Variants in GTF3C2 observed in about 807,000 individuals in gnomAD.
GTF3C2 encodes the protein general transcription factor 3C polypeptide 2.
Under a neutral mutation model 117.4 loss-of-function variants are expected in GTF3C2, and 17 were observed. The ratio of observed to expected loss-of-function variants is 0.14; its 90% CI spans 0.10 to 0.22. The LOEUF (loss-of-function observed/expected upper bound fraction) is 0.22. Ranked by LOEUF, GTF3C2 falls within the 10% of genes least tolerant of loss-of-function variation. The pLI is 1.00. For missense variants in GTF3C2, 888 were observed against 1,143.6 expected (o/e 0.78, Z 3.22); for synonymous variants, 437 against 427.0 (o/e 1.02, Z -0.29).
rs1680451491 is a variant in GTF3C2 at position 27,335,886 on chromosome 2, T to C, written c.1467+31A>G. 2.8e-6 allele frequency: 4 copies of C among 1,422,270 alleles called. 1 individual carries two copies. The South Asian group carries it at 3.4e-5, about 12-fold the overall frequency. 88.1% of individuals were successfully genotyped at this position (1,422,270 alleles called of 1,614,324 possible). On this transcript the variant is annotated intron_variant, in intron 9 of 18. Coordinates refer to ENST00000264720, the Ensembl canonical transcript of GTF3C2. Reference sequence around the variant, plus strand: ...GCCTCTTTGTCCTGGCTTTGAGTCCTAGGGCCATCCCACAGTTGACTGGGA... The same window carrying C: ...GCCTCTTTGTCCTGGCTTTGAGTCCCAGGGCCATCCCACAGTTGACTGGGA...
chr2:27,326,093 CAAGT>C (rs1234257851), exon 19 of GTF3C2: 1 of 406,312 alleles, frequency 2.5e-6, no homozygotes, highest in Admixed American at 3.2e-5. Flanking sequence ...TAAGCAGGAG[CAAGT>C]AAGATCTGAG....
intron 2 of GTF3C2, 40 bp from the exon 3 acceptor site, chr2:27,343,187 C>T: frequency 6.6e-7 from 1 of 1,510,282 alleles, no homozygotes; most frequent in Non-Finnish European, 9.0e-7. Flanking sequence ...GGGACCAGAA[C>T]TCAAACCTCT....
chr2:27,337,354 C>A lies in GTF3C2; in HGVS notation c.1029-12G>T. On this transcript the variant is annotated splice_polypyrimidine_tract_variant and intron_variant, in intron 6 of 18. Transcript: ENST00000264720. ...AGGGAGCGGCCTCACTGGGGGAAGA[C>A]AAAGGGAACAGTCTAAATTTGGAAG... is the stretch of plus-strand genomic sequence containing the variant. 1.3e-6 allele frequency: 2 copies of A among 1,573,328 alleles called. No homozygotes were observed. The highest frequency in any genetic ancestry group is 8.7e-7 in the Non-Finnish European group (1 of 1,143,174).
chr2:27,337,278 G>C (rs1680521460), exon 7 of GTF3C2: 1 of 1,612,714 alleles, frequency 6.2e-7, no homozygotes, highest in South Asian at 1.1e-5. Context: ...TCTTCAGGTA[G>C]CCCTTCACGT....
chr2:27,355,188 T>C (rs1388881015), intron 1 of GTF3C2, among the ~76,000 whole-genome samples: 4 of 152,234 alleles, frequency 2.6e-5, no homozygotes, highest in African/African-American at 9.6e-5. Context: ...CTTCTTTCTA[T>C]ATATTGGACA....
chr2:27,343,421 G>A (rs747366553), exon 2 of GTF3C2: 13 of 1,613,980 alleles, frequency 8.1e-6, no homozygotes, highest in African/African-American at 2.7e-5. Context: ...GGAAGCCTCT[G>A]CACTGGTCAT....
chr2:27,336,396 C>A (rs776630646), exon 8 of GTF3C2: 1 of 1,607,520 alleles, frequency 6.2e-7, no homozygotes, highest in Non-Finnish European at 8.5e-7. Flanking sequence ...CACATCCCAG[C>A]GCTCTGGATG....
intron 6 of GTF3C2, 30 bp from the exon 7 acceptor site, chr2:27,337,372 T>C (rs905362038): frequency 5.9e-6 from 9 of 1,533,614 alleles, no homozygotes; most frequent in Non-Finnish European, 8.1e-6. Flanking sequence ...ACAGTCTAAA[T>C]TTGGAAGTGT....
intron 3 of GTF3C2, 56 bp from the exon 4 acceptor site, chr2:27,342,289 T>A: frequency 1.4e-6 from 2 of 1,431,974 alleles, no homozygotes; most frequent in South Asian, 2.6e-5. Flanking sequence ...AACCCACGTT[T>A]CCAGACATGG....
At position 27,350,426 on chromosome 2, in the gene GTF3C2, G is replaced by A. The variant is rs547189371; in HGVS notation, c.-25+6313C>T. 1.3e-4 allele frequency: 127 copies of A among 985,528 alleles called. No homozygotes were observed. In the African/African-American group the frequency reaches 2.1e-3, roughly 16 times the overall value. The allele number at this position is 985,528 out of a possible 1,614,324, so 61.0% of individuals were successfully genotyped here. ...TTGCATAAATAAATGATCACGATGA[G>A]GGTTGAGGGAAAAACAGTTGGTAGG... is the stretch of plus-strand genomic sequence containing the variant. On this transcript the variant is annotated intron_variant, in intron 1 of 18. Coordinates refer to ENST00000264720, the Ensembl canonical transcript of GTF3C2.
rs555856038 is a variant in GTF3C2, at chr2:27,344,410, T to C, written c.-24-832A>G. On this transcript the variant is annotated intron_variant, in intron 1 of 18. Transcript: ENST00000264720. ...TACATTATCTAATTTAAAGCTCATA[T>C]ATTTTCTTGTAAGGATGAAGCAGTG... 2.6e-5 allele frequency among the ~76,000 whole-genome samples: 4 copies of C among 152,310 alleles called. No individual in the cohort carries two copies. The South Asian group carries it at 8.3e-4, about 32-fold the overall frequency.
intron 17 of GTF3C2, among the ~76,000 whole-genome samples, 169 bp downstream of exon 17, chr2:27,327,868 T>G (rs1224735138): frequency 6.6e-6 from 1 of 152,166 alleles, no homozygotes; most frequent in Non-Finnish European, 1.5e-5. Flanking sequence ...CCTTGTGATC[T>G]GCCCGCCTAA....
chr2:27,327,351 C>T, intron 17 of GTF3C2, 67 bp from the exon 18 acceptor site: 1 of 796,186 alleles, frequency 1.3e-6, no homozygotes, highest in East Asian at 2.6e-5. Context: ...AAGACGGAGT[C>T]TCGCTCTGTC....
chr2:27,327,981 G>A (rs529245908), intron 17 of GTF3C2, 56 bp downstream of exon 17: 27 of 1,474,192 alleles, frequency 1.8e-5, no homozygotes, highest in African/African-American at 2.8e-5. Flanking sequence ...ACTATACAAA[G>A]ACTAAAGTTT....
At chr2:27,354,793 T>C (rs959383484) in intron 1 of GTF3C2, among the ~76,000 whole-genome samples, 5 of 152,182 alleles carry the variant, frequency 3.3e-5, no homozygotes, top group Non-Finnish European at 7.3e-5. Context: ...AGTATACATA[T>C]ATTTATCTCA....
chr2:27,331,027 T>C (rs1680256175), intron 12 of GTF3C2, among the ~76,000 whole-genome samples: 1 of 152,154 alleles, frequency 6.6e-6, no homozygotes, highest in Non-Finnish European at 1.5e-5. Context: ...GCTGAGCCAC[T>C]CAGGGAATGA....
intron 3 of GTF3C2, 58 bp downstream of exon 3, chr2:27,342,768 C>T: frequency 3.9e-6 from 5 of 1,296,960 alleles, no homozygotes; most frequent in Non-Finnish European, 5.5e-6. Flanking sequence ...CAACATCTGC[C>T]CCACCCTGAT....
At chr2:27,342,037 C>T in exon 4 of GTF3C2, 3 of 1,614,172 alleles carry the variant, frequency 1.9e-6, no homozygotes, top group Non-Finnish European at 2.5e-6. Flanking sequence ...TCTTCCACAT[C>T]TTCAGCCTCA....
chr2:27,351,770 G>A (rs1326065603), intron 1 of GTF3C2, among the ~76,000 whole-genome samples: 1 of 152,134 alleles, frequency 6.6e-6, no homozygotes, highest in Admixed American at 6.5e-5. Flanking sequence ...GCTCTCAAGT[G>A]GAAGTTGCTC....
Sources: gnomAD v4.1 joint callset for allele counts (sites outside exome capture counted in the v4.1 genomes callset) on GRCh38, gnomAD v4.1.1 for gene constraint, MANE v1.5 for transcripts, NCBI Gene and HGNC (gene_info 2026-07-23, HGNC 2026-07-21) for gene names.